ROR2: variants seen among roughly 807,000 people sequenced by gnomAD.
The protein encoded by ROR2 is ROR family WNT receptor 2.
A neutral mutation model predicts 74.9 loss-of-function variants in ROR2; 33 were observed. The ratio of observed to expected loss-of-function variants is 0.44; its 90% confidence interval spans 0.33 to 0.59. ROR2 has a LOEUF of 0.59. ROR2 is among the 20% of genes least tolerant of loss of function. ROR2 has a pLI of 0.02. For missense variants in ROR2, 1,216 were observed against 1,313.8 expected, an observed-to-expected ratio of 0.93 and a Z score of 1.15; for synonymous variants, 586 against 558.7, an observed-to-expected ratio of 1.05 and a Z score of -0.69.
At chr9:91,896,913 C>T (rs950282898) in intron 1 of ROR2, among the ~76,000 whole-genome samples, 12 of 152,204 alleles carry the variant, frequency 7.9e-5, no homozygotes, top group African/African-American at 2.7e-4. Flanking sequence ...CCAGCAAACA[C>T]CGTTGGGCTC....
At chr9:91,888,434 C>A (rs1830343443) in intron 1 of ROR2, among the ~76,000 whole-genome samples, 1 of 152,168 alleles carries the variant, frequency 6.6e-6, no homozygotes, top group Non-Finnish European at 1.5e-5. Context: ...ACCTCCTCTT[C>A]CACTGGACGC....
chr9:91,851,357 A>C (rs1829083400), intron 1 of ROR2, among the ~76,000 whole-genome samples: 1 of 151,580 alleles, frequency 6.6e-6, no homozygotes, highest in African/African-American at 2.4e-5. Flanking sequence ...CCGTCTCAAA[A>C]AAAAAAAAAA....
At chr9:91,862,380 AGGAGT>A (rs950335159) in intron 1 of ROR2, among the ~76,000 whole-genome samples, 2 of 151,922 alleles carry the variant, frequency 1.3e-5, no homozygotes, top group African/African-American at 4.8e-5. Context: ...AGCAGCAGCC[AGGAGT>A]GGTGGCTCAT....
rs1167780367 is a variant in ROR2 at position 91,744,213 on chromosome 9, C to CTTT, written c.495-6698_495-6696dup. On this transcript the variant is annotated intron_variant, in intron 4 of 8. Coordinates refer to ENST00000375708, the MANE Select transcript of ROR2 (RefSeq NM_004560.4). ...TTGACCCTCCACAGAAATTTGTTAACTTTTTTTTTTTTTTTTTTTTTTTTG... is the reference window on the plus strand; with the variant it reads ...TTGACCCTCCACAGAAATTTGTTAACTTTTTTTTTTTTTTTTTTTTTTTTTTTG... 4.1e-3 allele frequency among the ~76,000 whole-genome samples: 369 copies of CTTT among 89,070 alleles called. 43 individuals carry two copies. Among genetic ancestry groups the CTTT allele is most frequent in the South Asian group, 4.7e-3 (10 of 2,136 alleles). 58.4% of individuals were successfully genotyped at this position (89,070 alleles called of 152,430 possible).
chr9:91,738,631 C>T (rs1435732449), intron 4 of ROR2, among the ~76,000 whole-genome samples: 1 of 152,226 alleles, frequency 6.6e-6, no homozygotes, highest in Non-Finnish European at 1.5e-5. Context: ...GTATTCTCTA[C>T]TATGTTCAAA....
intron 4 of ROR2, among the ~76,000 whole-genome samples, chr9:91,753,558 T>C (rs2118826988): frequency 6.6e-6 from 1 of 152,310 alleles, no homozygotes. Flanking sequence ...CCTTTAGTTT[T>C]TCCTCTTCAG....
chr9:91,733,534 C>A lies in ROR2; in HGVS notation c.623-98G>T, dbSNP rs1235097644. On this transcript the variant is annotated intron_variant, in intron 5 of 8. Coordinates refer to ENST00000375708, the MANE Select transcript of ROR2 (RefSeq NM_004560.4). This position sits in a 1 kb window ranked among gnomAD's most constrained non-coding sequence, Gnocchi z 5.7. ...CCAGCCTGGCATCCCAGACTGCCCA[C>A]TCAGCCCCCTGATGCCCCGCCCCGC... 1 of 1,339,714 alleles carries A rather than the reference C, an allele frequency of 7.5e-7. No individual in the cohort carries two copies. The highest frequency in any genetic ancestry group is 1.0e-6 in the Non-Finnish European group (1 of 983,774). The allele number at this position is 1,339,714 out of a possible 1,614,324, so 83.0% of individuals were successfully genotyped here. A position where few individuals can be genotyped will look rare whatever the true frequency, so the allele number is the denominator to read the frequency against.
At chr9:91,880,403 C>A (rs1830075955) in intron 1 of ROR2, among the ~76,000 whole-genome samples, 1 of 152,204 alleles carries the variant, frequency 6.6e-6, no homozygotes, top group African/African-American at 2.4e-5. Flanking sequence ...ATATTTAAAG[C>A]ATTTGTAGGT....
At chr9:91,763,050 C>T (rs557464824) in intron 2 of ROR2, among the ~76,000 whole-genome samples, 17 of 152,212 alleles carry the variant, frequency 1.1e-4, no homozygotes, top group Admixed American at 6.5e-4. Context: ...GAGGCCATTA[C>T]CCTAAGCAAA....
intron 1 of ROR2, among the ~76,000 whole-genome samples, chr9:91,846,875 T>C (rs887669567): frequency 6.6e-6 from 1 of 152,114 alleles, no homozygotes; most frequent in African/African-American, 2.4e-5. Context: ...CAAATATCAA[T>C]GACTTCAGGA....
chr9:91,779,975 T>C (rs926440105), intron 1 of ROR2, among the ~76,000 whole-genome samples: 2 of 152,174 alleles, frequency 1.3e-5, no homozygotes, highest in African/African-American at 4.8e-5. Context: ...GCTGAACCAA[T>C]TGGTGTCTAC....
intron 1 of ROR2, among the ~76,000 whole-genome samples, chr9:91,817,182 C>T (rs1247304670): frequency 6.6e-6 from 1 of 152,174 alleles, no homozygotes; most frequent in Non-Finnish European, 1.5e-5. Context: ...GTTGGCTTGG[C>T]ATTTCTCTCA....
chr9:91,812,567 C>T (rs1827795905), intron 1 of ROR2, among the ~76,000 whole-genome samples: 2 of 149,126 alleles, frequency 1.3e-5, no homozygotes, highest in African/African-American at 4.9e-5. Flanking sequence ...CGCCCCACCC[C>T]CCCCACACAC....
chr9:91,927,816 G>T (rs777158976), intron 1 of ROR2, among the ~76,000 whole-genome samples: 1 of 151,854 alleles, frequency 6.6e-6, no homozygotes, highest in Non-Finnish European at 1.5e-5. Flanking sequence ...CACCCTCCTC[G>T]GCCTCCCAAA....
chr9:91,792,478 T>G (rs1827028934), intron 1 of ROR2, among the ~76,000 whole-genome samples: 1 of 152,162 alleles, frequency 6.6e-6, no homozygotes, highest in Admixed American at 6.5e-5. Flanking sequence ...CCAGCTAATT[T>G]TTTGTACTTT....
At chr9:91,803,443 A>G (rs1462327806) in intron 1 of ROR2, among the ~76,000 whole-genome samples, 1 of 152,266 alleles carries the variant, frequency 6.6e-6, no homozygotes, top group Non-Finnish European at 1.5e-5. Flanking sequence ...ATGCAGGATG[A>G]AAACAGTTTT....
chr9:91,730,546 C>T (rs1351852725), intron 7 of ROR2, among the ~76,000 whole-genome samples: 1 of 152,250 alleles, frequency 6.6e-6, no homozygotes, highest in Non-Finnish European at 1.5e-5. Context: ...CTGCAACCTC[C>T]GCTTCCCAGG....
chr9:91,742,315 C>G (rs901626695), intron 4 of ROR2, among the ~76,000 whole-genome samples: 2 of 152,184 alleles, frequency 1.3e-5, no homozygotes, highest in South Asian at 4.1e-4. Context: ...TCAATTACCT[C>G]CCCCTGGATC....
chr9:91,807,313 C>T lies in ROR2; in HGVS notation c.98-31495G>A, dbSNP rs138632515. On this transcript the variant is annotated intron_variant, in intron 1 of 8. Coordinates refer to ENST00000375708, the MANE Select transcript of ROR2 (RefSeq NM_004560.4). The stretch of plus-strand genomic sequence containing the variant: ...TGGAGGCCAACAGGAAGGTGAAGAA[C>T]TCATCCACGTGCTGGGAGGGTGGGG... Among the ~76,000 whole-genome samples, 951 of 152,340 alleles carry T rather than the reference C, an allele frequency of 6.2e-3. 8 individuals carry two copies. The highest frequency in any genetic ancestry group is 0.011 in the Non-Finnish European group (749 of 68,036).
Sources: gnomAD v4.1 joint callset for allele counts (sites outside exome capture counted in the v4.1 genomes callset) on GRCh38, gnomAD v4.1.1 for gene constraint, Gnocchi (gnomAD v3.1) non-coding constraint, MANE v1.5 for transcripts, NCBI Gene and HGNC (gene_info 2026-07-23, HGNC 2026-07-21) for gene names.